The following STPG2 variants were observed in gnomAD, a reference collection of about 807,000 sequenced individuals.
The protein encoded by STPG2 is sperm tail PG-rich repeat containing 2.
In STPG2, 56 loss-of-function variants were observed where a neutral mutation model predicts 54.2. The observed-to-expected ratio is 1.03, with a 90% CI of 0.83 to 1.29. STPG2 has a LOEUF of 1.29. Ranked by LOEUF, STPG2 falls within the 50% of genes most tolerant of loss-of-function variation. The probability of loss-of-function intolerance (pLI) is 0.00; values close to 1 mark genes in which losing one functional copy is unlikely to be tolerated. For missense variants in STPG2, 596 were observed against 544.9 expected, an observed-to-expected ratio of 1.09 and a Z score of -0.93; for synonymous variants, 200 against 181.8, an observed-to-expected ratio of 1.10 and a Z score of -0.81.
intron 4 of STPG2, chr4:97,441,681 A>G (rs546375091): frequency 1.3e-5 from 2 of 152,084 alleles, no homozygotes; most frequent in African/African-American, 4.8e-5. Flanking sequence ...TTTTTTTCTA[A>G]CCAAATTAAC....
chr4:98,131,074 T>C (rs1187308008), intron 2 of STPG2, among the ~76,000 whole-genome samples: 1 of 152,036 alleles, frequency 6.6e-6, no homozygotes, highest in Non-Finnish European at 1.5e-5. Flanking sequence ...AACACTTCAG[T>C]GTCTTTATTC....
chr4:97,871,686 T>A (rs1229841543), intron 8 of STPG2, among the ~76,000 whole-genome samples: 1 of 151,146 alleles, frequency 6.6e-6, no homozygotes, highest in Non-Finnish European at 1.5e-5. Context: ...CAGATTTCAC[T>A]GGGGAATTCT....
At chr4:97,833,268 T>A (rs892321087) in intron 9 of STPG2, among the ~76,000 whole-genome samples, 1 of 152,220 alleles carries the variant, frequency 6.6e-6, no homozygotes, top group Non-Finnish European at 1.5e-5. Context: ...AGATTCCCTA[T>A]TTAATAAATG....
chr4:97,942,124 AATATATATATGTGTGTATATAT>A (rs1203407020), intron 8 of STPG2, among the ~76,000 whole-genome samples: 1 of 148,194 alleles, frequency 6.7e-6, no homozygotes, highest in African/African-American at 2.5e-5. Context: ...ATACGTTTTA[AATATATATATGTGTGTATATAT>A]ATATATATTT....
chr4:97,549,450 T>G (rs1731916640), intron 4 of STPG2, among the ~76,000 whole-genome samples: 1 of 152,176 alleles, frequency 6.6e-6, no homozygotes, highest in Non-Finnish European at 1.5e-5. Flanking sequence ...TGTAAATAGA[T>G]TTGGAGTGCA....
At chr4:97,442,307 T>C (rs1560609802) in intron 4 of STPG2, among the ~76,000 whole-genome samples, 1 of 152,096 alleles carries the variant, frequency 6.6e-6, no homozygotes, top group Non-Finnish European at 1.5e-5. Flanking sequence ...TGTTCTTTCT[T>C]CATGCAAACA....
intron 9 of STPG2, among the ~76,000 whole-genome samples, 158 bp downstream of exon 9, chr4:97,840,615 T>C (rs1728767603): frequency 6.6e-6 from 1 of 151,686 alleles, no homozygotes; most frequent in Admixed American, 6.6e-5. Context: ...TTTAGTTCAA[T>C]GTTATTTTGT....
At chr4:98,141,057 G>A (rs1045929320) in intron 1 of STPG2, among the ~76,000 whole-genome samples, 7 of 124,794 alleles carry the variant, frequency 5.6e-5, no homozygotes, top group African/African-American at 1.9e-4. Flanking sequence ...ACTAAGCTCT[G>A]ATTTTTTTTA....
intron 8 of STPG2, among the ~76,000 whole-genome samples, chr4:97,909,012 T>C (rs950720778): frequency 4.0e-5 from 5 of 124,778 alleles, no homozygotes; most frequent in Non-Finnish European, 8.7e-5. Flanking sequence ...ACTTAAAGTA[T>C]AATAATAATA....
chr4:97,942,634 C>T (rs1300216962), intron 8 of STPG2, among the ~76,000 whole-genome samples: 4 of 152,006 alleles, frequency 2.6e-5, no homozygotes, highest in Admixed American at 1.3e-4. Flanking sequence ...AATCTAATTG[C>T]TATTATTTCC....
chr4:97,861,414 C>G (rs762929564), intron 8 of STPG2, among the ~76,000 whole-genome samples: 1 of 152,086 alleles, frequency 6.6e-6, no homozygotes, highest in Non-Finnish European at 1.5e-5. Flanking sequence ...TTAGTACAAC[C>G]ACTTTGGAGA....
In STPG2 at chr4:97,987,049, G is replaced by A. The variant is rs190058233; in HGVS notation, c.613-5731C>T. Among the ~76,000 whole-genome samples, 435 of 152,284 alleles carry A rather than the reference G, an allele frequency of 2.9e-3. 3 individuals are homozygous for A. Among genetic ancestry groups the A allele is most frequent in the African/African-American group, 9.9e-3 (410 of 41,552 alleles). On this transcript the variant is annotated intron_variant, in intron 5 of 10. Transcript: ENST00000295268. ...TTAAGAAAGTATCTATAGCACCTAAGGGAAGAGTTGGCTAAATATCTGAAC... is the reference window on the plus strand; with the variant it reads ...TTAAGAAAGTATCTATAGCACCTAAAGGAAGAGTTGGCTAAATATCTGAAC...
chr4:97,969,609 G>A (rs539583246), intron 7 of STPG2, among the ~76,000 whole-genome samples: 7 of 152,010 alleles, frequency 4.6e-5, no homozygotes, highest in South Asian at 4.2e-4. Flanking sequence ...GCCAGATCCC[G>A]CAATATTCAT....
intron 9 of STPG2, among the ~76,000 whole-genome samples, chr4:97,787,907 T>C (rs1223094766): frequency 1.3e-5 from 2 of 151,728 alleles, no homozygotes. Context: ...CTATTCCTAA[T>C]ATTCATTCTT....
chr4:97,613,453 G>A (rs1382218488), intron 10 of STPG2, among the ~76,000 whole-genome samples: 1 of 151,280 alleles, frequency 6.6e-6, no homozygotes, highest in Non-Finnish European at 1.5e-5. Context: ...CTTTGGAAGT[G>A]AGCCACTGTC....
chr4:98,009,251 T>C (rs1257797260), intron 5 of STPG2, among the ~76,000 whole-genome samples: 1 of 152,036 alleles, frequency 6.6e-6, no homozygotes, highest in Non-Finnish European at 1.5e-5. Flanking sequence ...TTGCATTCAC[T>C]GCATCTTATA....
chr4:97,598,239 A>T (rs1048946553), intron 10 of STPG2, among the ~76,000 whole-genome samples: 1 of 152,168 alleles, frequency 6.6e-6, no homozygotes, highest in Non-Finnish European at 1.5e-5. Context: ...ATCAGAGATG[A>T]AACATACAAA....
chr4:97,533,196 C>G (rs575948453), intron 4 of STPG2, among the ~76,000 whole-genome samples: 6 of 152,108 alleles, frequency 3.9e-5, no homozygotes, highest in Non-Finnish European at 7.4e-5. Flanking sequence ...AGCATATTTT[C>G]TTATAGAATT....
chr4:97,702,621 G>A (rs1325233602), intron 10 of STPG2, among the ~76,000 whole-genome samples: 1 of 152,110 alleles, frequency 6.6e-6, no homozygotes, highest in Non-Finnish European at 1.5e-5. Flanking sequence ...TCAGACAAAG[G>A]TGGAATGGCT....
Sources: allele counts gnomAD v4.1 joint callset (sites outside exome capture counted in the v4.1 genomes callset), GRCh38; gene constraint gnomAD v4.1.1; transcripts MANE v1.5; gene names NCBI Gene and HGNC (gene_info 2026-07-23, HGNC 2026-07-21).